The following ATP8B1 variants were observed in gnomAD, a reference collection of about 807,000 sequenced individuals.
The protein encoded by ATP8B1 is ATPase phospholipid transporting 8B1.
A neutral mutation model predicts 149.9 loss-of-function variants in ATP8B1; 80 were observed. The ratio of observed to expected loss-of-function variants is 0.53; its 90% confidence interval spans 0.45 to 0.64. The LOEUF (loss-of-function observed/expected upper bound fraction) is 0.64. Among genes scored for constraint, ATP8B1 ranks in the 30% least tolerant of loss-of-function variants. The pLI, the probability that ATP8B1 is intolerant of heterozygous loss-of-function variation, is 0.00. For synonymous variants in ATP8B1, 536 were observed against 562.8 expected, an observed-to-expected ratio of 0.95 and a Z score of 0.67; for missense variants, 1,247 against 1,552.6, an observed-to-expected ratio of 0.80 and a Z score of 3.31.
chr18:57,787,828 CATTTAAA>C (rs1265295002), intron 1 of ATP8B1, among the ~76,000 whole-genome samples: 1 of 152,138 alleles, frequency 6.6e-6, no homozygotes, highest in African/African-American at 2.4e-5. Context: ...AAATAGGCCT[CATTTAAA>C]ATTTTATACA....
intron 16 of ATP8B1, among the ~76,000 whole-genome samples, chr18:57,673,365 G>A (rs1484754274): frequency 6.6e-6 from 1 of 151,974 alleles, no homozygotes; most frequent in Non-Finnish European, 1.5e-5. Context: ...CTATTGATTA[G>A]ATAATATTGT....
intron 16 of ATP8B1, among the ~76,000 whole-genome samples, chr18:57,672,884 AAGTAT>A (rs1458747578): frequency 1.4e-4 from 6 of 41,832 alleles, no homozygotes; most frequent in Admixed American, 3.7e-4. Context: ...AAAAAAAAAA[AAGTAT>A]ATATATATAT....
intron 1 of ATP8B1, among the ~76,000 whole-genome samples, chr18:57,750,550 C>G (rs2080006286): frequency 6.6e-6 from 1 of 152,234 alleles, no homozygotes; most frequent in Non-Finnish European, 1.5e-5. Context: ...CACTCAAGAG[C>G]AAAAGCTGGT....
chr18:57,738,171 A>G (rs767787736), intron 1 of ATP8B1: 2 of 152,246 alleles, frequency 1.3e-5, no homozygotes, highest in Non-Finnish European at 2.9e-5. Context: ...GAAACTTCAT[A>G]ATGTCTCTGA....
intron 1 of ATP8B1, among the ~76,000 whole-genome samples, chr18:57,742,058 C>T (rs1291245037): frequency 6.6e-6 from 1 of 152,080 alleles, no homozygotes. Context: ...TTAGTAGAGA[C>T]AGGGTTTTAC....
chr18:57,778,063 C>T (rs1300378952), intron 1 of ATP8B1, among the ~76,000 whole-genome samples: 3 of 152,180 alleles, frequency 2.0e-5, no homozygotes, highest in African/African-American at 7.2e-5. Flanking sequence ...TGGTCAACAA[C>T]AGAAGCATTT....
intron 1 of ATP8B1, among the ~76,000 whole-genome samples, chr18:57,788,665 C>A (rs1277091742): frequency 6.6e-6 from 1 of 152,158 alleles, no homozygotes; most frequent in Non-Finnish European, 1.5e-5. Flanking sequence ...CCCACTCCCC[C>A]AAACCCTGCT....
At chr18:57,795,764 T>C (rs535836370) in intron 1 of ATP8B1, among the ~76,000 whole-genome samples, 1 of 152,242 alleles carries the variant, frequency 6.6e-6, no homozygotes, top group South Asian at 2.1e-4. Flanking sequence ...TGATAAAAAG[T>C]TCTGAAGGTG....
intron 1 of ATP8B1, among the ~76,000 whole-genome samples, chr18:57,770,730 G>A (rs918957957): frequency 1.3e-5 from 2 of 152,230 alleles, no homozygotes; most frequent in Non-Finnish European, 2.9e-5. Context: ...TGCCTACTGC[G>A]GCAGATCGCA....
At chr18:57,725,828 A>T (rs1336726667) in intron 2 of ATP8B1, among the ~76,000 whole-genome samples, 1 of 152,240 alleles carries the variant, frequency 6.6e-6, no homozygotes, top group African/African-American at 2.4e-5. Flanking sequence ...GCATATTTAT[A>T]TGTAGATGAA....
At position 57,684,093 on chromosome 18, in the gene ATP8B1, G is replaced by A. The variant is rs770257115; in HGVS notation, c.1573C>T (p.Arg525Ter). 1.2e-5 allele frequency: 19 copies of A among 1,614,094 alleles called. No individual in the cohort carries two copies. The highest frequency in any genetic ancestry group is 1.5e-5 in the Non-Finnish European group (18 of 1,180,020). ...ACTGCGAGCAAGAAGAAGAACTGTC[G>A]TACTTCTGGCTCTTTCCCTGACTGG... ...QIQSGKEPEV[R>*]QFFFLLAVCH... Residue 525 changes from arginine to a stop codon, truncating the protein, a stop_gained, in exon 15 of 28, where the codon CGA becomes TGA. Transcript: ENST00000648908. LOFTEE classifies it high-confidence loss of function.
intron 2 of ATP8B1, among the ~76,000 whole-genome samples, chr18:57,715,183 G>A (rs2079572539): frequency 6.6e-6 from 1 of 152,072 alleles, no homozygotes; most frequent in Admixed American, 6.6e-5. Context: ...ATTAAAAAGA[G>A]TCAAGCTGAA....
intron 6 of ATP8B1, 134 bp from the exon 7 acceptor site, chr18:57,698,001 G>T: frequency 1.3e-6 from 1 of 781,778 alleles, no homozygotes; most frequent in Non-Finnish European, 2.2e-6. Context: ...GCTCTTTAAT[G>T]GATGTAAACA....
chr18:57,757,432 G>C (rs58809798), intron 1 of ATP8B1, among the ~76,000 whole-genome samples: 11,987 of 152,288 alleles, frequency 0.079, 526 homozygotes, highest in Middle Eastern at 0.14. Flanking sequence ...GGCACTTGAT[G>C]TGCTTGTTAC....
intron 24 of ATP8B1, among the ~76,000 whole-genome samples, chr18:57,653,636 T>C (rs1160196613): frequency 1.3e-5 from 2 of 150,926 alleles, no homozygotes; most frequent in Non-Finnish European, 2.9e-5. Context: ...ACATAACAAA[T>C]ATGTGTGCCA....
chr18:57,764,549 G>A (rs1209762394), intron 1 of ATP8B1, among the ~76,000 whole-genome samples: 3 of 151,648 alleles, frequency 2.0e-5, no homozygotes, highest in Non-Finnish European at 4.4e-5. Flanking sequence ...CTCCTCAGTA[G>A]CTGTGATTAC....
chr18:57,798,656 A>G (rs2080542338), intron 1 of ATP8B1, among the ~76,000 whole-genome samples: 1 of 152,164 alleles, frequency 6.6e-6, no homozygotes, highest in Non-Finnish European at 1.5e-5. Context: ...TGAGGGAGAG[A>G]AAAGACCAAC....
At chr18:57,782,960 C>T (rs1371116049) in intron 1 of ATP8B1, among the ~76,000 whole-genome samples, 2 of 151,702 alleles carry the variant, frequency 1.3e-5, no homozygotes, top group Non-Finnish European at 2.9e-5. Flanking sequence ...TTACAGGCAC[C>T]CACCACCATG....
intron 1 of ATP8B1, among the ~76,000 whole-genome samples, chr18:57,767,459 G>A (rs1265339262): frequency 1.3e-5 from 2 of 152,078 alleles, no homozygotes; most frequent in African/African-American, 4.8e-5. Context: ...CATTTCAAGT[G>A]TTCAACAGCC....
Sources: gnomAD v4.1 joint callset for allele counts (sites outside exome capture counted in the v4.1 genomes callset) on GRCh38, gnomAD v4.1.1 for gene constraint, MANE v1.5 for transcripts, NCBI Gene and HGNC (gene_info 2026-07-23, HGNC 2026-07-21) for gene names.